The following OR5A1 variants were observed in gnomAD, a reference collection of about 807,000 sequenced individuals.
OR5A1 encodes olfactory receptor family 5 subfamily A member 1.
In OR5A1, 6 loss-of-function variants were observed where a neutral mutation model predicts 6.7. The observed-to-expected ratio is 0.89, with a 90% CI of 0.49 to 1.76. OR5A1 has a LOEUF of 1.76. Among genes scored for constraint, OR5A1 ranks in the 40% most tolerant of loss-of-function variants. The pLI is 0.01. For synonymous variants in OR5A1, 170 were observed against 155.0 expected (o/e 1.10, Z -0.72); for missense variants, 378 against 381.7 (o/e 0.99, Z 0.08).
At position 59,448,758 on chromosome 11, in the gene OR5A1, G is replaced by A. The variant is rs111254862; in HGVS notation, c.*4642G>A. ...ATATTCTCAGCATCTAGAACTGCCT[G>A]ATATACAAAACGCAATAAATATGCA... On this transcript the variant is annotated 3_prime_UTR_variant, in exon 2 of 2. Coordinates refer to ENST00000641045, the MANE Select transcript of OR5A1 (RefSeq NM_001004728.2). 9 of 151,984 alleles carry A rather than the reference G, an allele frequency of 5.9e-5. No individual in the cohort carries two copies. Among genetic ancestry groups the A allele is most frequent in the African/African-American group, 2.2e-4 (9 of 41,358 alleles). The allele number at this position is 151,984 out of a possible 1,614,324, so 9.4% of individuals were successfully genotyped here. A position where few individuals can be genotyped will look rare whatever the true frequency, so the allele number is the denominator to read the frequency against.
Position 59,448,397 on chromosome 11 carries a change from T to G in OR5A1, c.*4281T>G, listed in dbSNP as rs1318288698. On this transcript the variant is annotated 3_prime_UTR_variant, in exon 2 of 2. Transcript: ENST00000641045. The stretch of plus-strand genomic sequence containing the variant: ...GGGCCACTAGACCAGGAGCCTCATC[T>G]AGTGGAATCCAATTTGTCAGTATCT... 2.0e-5 allele frequency: 3 copies of G among 152,228 alleles called. No individual in the cohort carries two copies. The East Asian group carries it at 5.8e-4, about 29-fold the overall frequency. 9.4% of individuals were successfully genotyped at this position (152,228 alleles called of 1,614,324 possible). A position where few individuals can be genotyped will look rare whatever the true frequency, so the allele number is the denominator to read the frequency against.
intron 1 of OR5A1, among the ~76,000 whole-genome samples, chr11:59,437,163 C>A (rs1332340328): frequency 6.6e-6 from 1 of 152,134 alleles, no homozygotes; most frequent in African/African-American, 2.4e-5. Context: ...AATCAATGAA[C>A]CTACATTGGC....
rs961757811 is a variant in OR5A1 at position 59,445,743 on chromosome 11, G to T, written c.*1627G>T. On this transcript the variant is annotated 3_prime_UTR_variant, in exon 2 of 2. Coordinates refer to ENST00000641045, the MANE Select transcript of OR5A1 (RefSeq NM_001004728.2). ...GGTATCTCATTGTGATTTTTTATTT[G>T]CATTTCTCTAATAATTAGTGATGTT... is the stretch of plus-strand genomic sequence containing the variant. 2 of 151,954 alleles carry T rather than the reference G, an allele frequency of 1.3e-5. No homozygotes were observed. The highest frequency in any genetic ancestry group is 2.4e-5 in the African/African-American group (1 of 41,374). The allele number at this position is 151,954 out of a possible 1,614,324, so 9.4% of individuals were successfully genotyped here. A position where few individuals can be genotyped will look rare whatever the true frequency, so the allele number is the denominator to read the frequency against.
intron 1 of OR5A1, among the ~76,000 whole-genome samples, chr11:59,442,535 G>A (rs1211931146): frequency 6.6e-6 from 1 of 152,144 alleles, no homozygotes; most frequent in African/African-American, 2.4e-5. Context: ...ACCTACATTA[G>A]TATATTTGGA....
At position 59,443,386 on chromosome 11, in the gene OR5A1, A is replaced by G; in HGVS notation, c.218A>G (p.Asp73Gly). The stretch of plus-strand genomic sequence containing the variant: ...TTCCTAAGCAACTTATCTTTCATTG[A>G]CATCTGCTACTCTTCTGCTGTGGCT... ...YFFLSNLSFI[D>G]ICYSSAVAPN... The change falls in exon 2 of 2, where the codon GAC becomes GGC. Residue 73 changes from aspartate to glycine, a missense_variant. Asp to Gly is a moderately conservative substitution (Grantham distance 94). Coordinates refer to ENST00000641045, the MANE Select transcript of OR5A1 (RefSeq NM_001004728.2). The G allele has an allele frequency of 6.2e-7, 1 of 1,613,738 alleles. No individual in the cohort carries two copies. The highest frequency in any genetic ancestry group is 1.3e-5 in the African/African-American group (1 of 74,978).
chr11:59,439,392 C>T (rs1306185633), intron 1 of OR5A1, among the ~76,000 whole-genome samples: 1 of 152,188 alleles, frequency 6.6e-6, no homozygotes, highest in African/African-American at 2.4e-5. Context: ...GACTCTTCCT[C>T]TTCAGCTCTG....
chr11:59,443,202 G>C lies in OR5A1; in HGVS notation c.34G>C (p.Val12Leu). 1 of 1,614,102 alleles carries C rather than the reference G, an allele frequency of 6.2e-7. No individual in the cohort carries two copies. The highest frequency in any genetic ancestry group is 8.5e-7 in the Non-Finnish European group (1 of 1,179,996). Residue 12 changes from valine (V) to leucine (L), a missense_variant, in exon 2 of 2, where the codon GTG (valine) becomes CTG (leucine). Physicochemically the swap from Val to Leu is conservative, Grantham distance 32. Coordinates refer to ENST00000641045, the MANE Select transcript of OR5A1 (RefSeq NM_001004728.2). Reference sequence around the variant, plus strand: ...AACCAAAGCCTGGAACAGCTCATCAGTGACCATGTTCATCCTCCTGGGATT... The same window carrying C: ...AACCAAAGCCTGGAACAGCTCATCACTGACCATGTTCATCCTCCTGGGATT... ...SITKAWNSSS[V>L]TMFILLGFTD...
chr11:59,449,202 T>G lies in OR5A1; in HGVS notation c.*5086T>G, dbSNP rs1419628715. 6.6e-6 allele frequency: 1 copy of G among 152,214 alleles called. No individual in the cohort carries two copies. The highest frequency in any genetic ancestry group is 1.9e-4 in the East Asian group (1 of 5,196). The allele number at this position is 152,214 out of a possible 1,614,324, so 9.4% of individuals were successfully genotyped here. A position where few individuals can be genotyped will look rare whatever the true frequency, so the allele number is the denominator to read the frequency against. On this transcript the variant is annotated 3_prime_UTR_variant, in exon 2 of 2. Transcript: ENST00000641045. ...GCTAATCATTATAGTAGACTTCTTA[T>G]TCAGCATCAGTTAGGAACAGTGTAA...
chr11:59,444,041 C>A lies in OR5A1; in HGVS notation c.873C>A (p.Leu291=), dbSNP rs751303264. 3 of 1,614,078 alleles carry A rather than the reference C, an allele frequency of 1.9e-6. No homozygotes were observed. The highest frequency in any genetic ancestry group is 2.5e-6 in the Non-Finnish European group (3 of 1,179,988). ...TGGTGATCCCCATGCTGAACCCTCT[C>A]ATTTACAGTTTGAGGAACAAAGAGA... is the stretch of plus-strand genomic sequence containing the variant. ...YSLVIPMLNP[L]IYSLRNKEIK... Residue 291 remains leucine (L), a synonymous_variant, in exon 2 of 2, where the codon CTC becomes CTA. Transcript: ENST00000641045.
chr11:59,441,938 TGATAGATAGATAGATA>T (rs3033264), intron 1 of OR5A1, among the ~76,000 whole-genome samples: 2,409 of 148,106 alleles, frequency 0.016, 31 homozygotes, highest in African/African-American at 0.02. Context: ...GATAGAGAGA[TGATAGATAGATAGATA>T]GATAGATAGA....
Position 59,441,453 on chromosome 11 carries a change from T to A in OR5A1, c.-33-1683T>A, listed in dbSNP as rs1312514841. Among the ~76,000 whole-genome samples the A allele has an allele frequency of 2.0e-5, 3 of 152,208 alleles. No homozygotes were observed. In the East Asian group the frequency reaches 5.8e-4, roughly 29 times the overall value. On this transcript the variant is annotated intron_variant, in intron 1 of 1. Transcript: ENST00000641045. ...ACAGTTCTTTAATTTAAAAGCCAGT[T>A]AAAATAATTTCATTGATTTCCAAAT...
Position 59,443,786 on chromosome 11 carries a change from G to A in OR5A1, c.618G>A (p.Val206=), listed in dbSNP as rs116237424. The A allele has an allele frequency of 9.6e-4, 1,551 of 1,614,012 alleles. 16 individuals are homozygous for A. The African/African-American group carries it at 0.016, about 16-fold the overall frequency. Residue 206 remains valine, a synonymous_variant, in exon 2 of 2, where the codon GTG becomes GTA. Coordinates refer to ENST00000641045, the MANE Select transcript of OR5A1 (RefSeq NM_001004728.2). ...GTCAAGTGGTGAATTTCCTCGTGGTGGTCACTGTCGGAGGAACATCGTTCC... is the reference window on the plus strand; with the variant it reads ...GTCAAGTGGTGAATTTCCTCGTGGTAGTCACTGTCGGAGGAACATCGTTCC... ...FLSQVVNFLV[V]VTVGGTSFLQ...
chr11:59,443,481 T>A lies in OR5A1; in HGVS notation c.313T>A (p.Phe105Ile), dbSNP rs867339177. The A allele has an allele frequency of 6.2e-7, 1 of 1,614,072 alleles. No homozygotes were observed. The highest frequency in any genetic ancestry group is 8.5e-7 in the Non-Finnish European group (1 of 1,180,010). The change falls in exon 2 of 2, where the codon TTT becomes ATT. Residue 105 changes from phenylalanine to isoleucine, a missense_variant. By Grantham distance (21) the Phe-to-Ile change is conservative (BLOSUM62 0). Coordinates refer to ENST00000641045, the MANE Select transcript of OR5A1 (RefSeq NM_001004728.2). ...ATTTGTGGGCTGTGCTGCTCAGTTT[T>A]TTTTCTTTGTCGGCATGGGTCTGTC... ...ISFVGCAAQF[F>I]FFVGMGLSEC...
chr11:59,440,724 G>C (rs775948610), intron 1 of OR5A1, among the ~76,000 whole-genome samples: 2 of 152,148 alleles, frequency 1.3e-5, no homozygotes, highest in East Asian at 3.9e-4. Context: ...TTTGTTGCAC[G>C]TTCCTCTTTT....
rs778971152 is a variant in OR5A1, at chr11:59,443,467, G to A, written c.299G>A (p.Cys100Tyr). Residue 100 changes from cysteine to tyrosine, a missense_variant, in exon 2 of 2, where the codon TGT becomes TAT. Cys to Tyr is a radical substitution (Grantham distance 194). Transcript: ENST00000641045. ...WEQKTISFVG[C>Y]AAQFFFFVGM... ...CAGAAGACCATATCATTTGTGGGCT[G>A]TGCTGCTCAGTTTTTTTTCTTTGTC... 1.9e-6 allele frequency: 3 copies of A among 1,613,978 alleles called. No individual in the cohort carries two copies. The highest frequency in any genetic ancestry group is 4.5e-5 in the East Asian group (2 of 44,882).
In OR5A1 at chr11:59,446,836, A is replaced by G; in HGVS notation, c.*2720A>G. On this transcript the variant is annotated 3_prime_UTR_variant, in exon 2 of 2. Transcript: ENST00000641045. Reference sequence around the variant, plus strand: ...TGATGTAGGTCAATTGGATAAGTAGATATTTGATTTGATTGTTCATATAAC... The same window carrying G: ...TGATGTAGGTCAATTGGATAAGTAGGTATTTGATTTGATTGTTCATATAAC... 6.6e-6 allele frequency: 1 copy of G among 152,206 alleles called. No homozygotes were observed. The highest frequency in any genetic ancestry group is 1.9e-4 in the East Asian group (1 of 5,198). 9.4% of individuals were successfully genotyped at this position (152,206 alleles called of 1,614,324 possible). A position where few individuals can be genotyped will look rare whatever the true frequency, so the allele number is the denominator to read the frequency against.
rs916193800 is a variant in OR5A1 at position 59,449,704 on chromosome 11, C to T, written c.*5588C>T. On this transcript the variant is annotated 3_prime_UTR_variant, in exon 2 of 2. Coordinates refer to ENST00000641045, the MANE Select transcript of OR5A1 (RefSeq NM_001004728.2). ...GAAGTTTGCAGTATTCTCTCATATG[C>T]ATTAAGCCATTTAATTGACTTATAC... 6.6e-6 allele frequency: 1 copy of T among 152,128 alleles called. No individual in the cohort carries two copies. The highest frequency in any genetic ancestry group is 1.5e-5 in the Non-Finnish European group (1 of 68,028). The allele number at this position is 152,128 out of a possible 1,614,324, so 9.4% of individuals were successfully genotyped here.
At chr11:59,438,351 TAA>T (rs1185341594) in intron 1 of OR5A1, among the ~76,000 whole-genome samples, 1 of 152,220 alleles carries the variant, frequency 6.6e-6, no homozygotes, top group Non-Finnish European at 1.5e-5. Context: ...GCATTTTTTT[TAA>T]GTCTTCAGAA....
At chr11:59,442,416 T>C (rs1858491375) in intron 1 of OR5A1, among the ~76,000 whole-genome samples, 1 of 151,926 alleles carries the variant, frequency 6.6e-6, no homozygotes, top group African/African-American at 2.4e-5. Context: ...CACTCTAGCC[T>C]GGGCAACAAG....
Sources: allele counts gnomAD v4.1 joint callset (sites outside exome capture counted in the v4.1 genomes callset), GRCh38; gene constraint gnomAD v4.1.1; transcripts MANE v1.5; gene names NCBI Gene and HGNC (gene_info 2026-07-23, HGNC 2026-07-21).